The following MTCL1 variants were observed in gnomAD, a reference collection of about 807,000 sequenced individuals.
The protein encoded by MTCL1 is microtubule cross-linking factor 1.
A neutral mutation model predicts 141.4 loss-of-function variants in MTCL1; 79 were observed. The ratio of observed to expected loss-of-function variants is 0.56; its 90% CI spans 0.47 to 0.67. The LOEUF is 0.67. MTCL1 is among the 30% of genes least tolerant of loss of function. The probability of loss-of-function intolerance (pLI) is 0.00; values close to 1 mark genes in which losing one functional copy is unlikely to be tolerated. For missense variants in MTCL1, 2,177 were observed against 2,113.9 expected, an observed-to-expected ratio of 1.03 and a Z score of -0.59; for synonymous variants, 914 against 875.8, an observed-to-expected ratio of 1.04 and a Z score of -0.77.
At chr18:8,825,409 G>A (rs779817195) in exon 15 of MTCL1, 3 of 1,544,802 alleles carry the variant, frequency 1.9e-6, no homozygotes, top group Admixed American at 3.9e-5. Context: ...TCCGGCCCTG[G>A]CGAGCTGCAA....
intron 4 of MTCL1, among the ~76,000 whole-genome samples, chr18:8,722,123 C>CT (rs933165958): frequency 7.2e-5 from 10 of 139,324 alleles, no homozygotes; most frequent in Non-Finnish European, 1.5e-4. Flanking sequence ...GTTGCTGGTA[C>CT]TTTACTTCCC....
chr18:8,807,016 G>T (rs914727968), exon 11 of MTCL1: 1 of 1,613,798 alleles, frequency 6.2e-7, no homozygotes, highest in Non-Finnish European at 8.5e-7. Context: ...CGACAAGGCG[G>T]CCTGGGACGT....
intron 4 of MTCL1, among the ~76,000 whole-genome samples, chr18:8,741,403 C>T (rs1034532455): frequency 2.0e-4 from 30 of 152,178 alleles, no homozygotes; most frequent in African/African-American, 7.0e-4. Flanking sequence ...ATAGCAAGTA[C>T]CTTTTATTCT....
At chr18:8,741,206 G>A (rs1010747792) in intron 4 of MTCL1, among the ~76,000 whole-genome samples, 2 of 152,206 alleles carry the variant, frequency 1.3e-5, no homozygotes, top group African/African-American at 2.4e-5. Context: ...CATGAAGTTA[G>A]ATGTCTGGAC....
At chr18:8,821,097 T>C (rs961337014) in intron 13 of MTCL1, among the ~76,000 whole-genome samples, 1 of 152,204 alleles carries the variant, frequency 6.6e-6, no homozygotes, top group African/African-American at 2.4e-5. Context: ...TCTCTCTCTC[T>C]CTCAGTCTCA....
chr18:8,796,993 A>T (rs2075948657), intron 9 of MTCL1, among the ~76,000 whole-genome samples: 1 of 152,230 alleles, frequency 6.6e-6, no homozygotes, highest in African/African-American at 2.4e-5. Flanking sequence ...GGTCCAAGAA[A>T]TGGAAATGCA....
At chr18:8,791,539 C>T (rs1295167796) in intron 7 of MTCL1, among the ~76,000 whole-genome samples, 3 of 151,474 alleles carry the variant, frequency 2.0e-5, no homozygotes, top group Admixed American at 2.0e-4. Flanking sequence ...GGATTCAACC[C>T]TAAGACTGCA....
chr18:8,731,949 T>G (rs1456981938), intron 4 of MTCL1, among the ~76,000 whole-genome samples: 1 of 152,172 alleles, frequency 6.6e-6, no homozygotes, highest in African/African-American at 2.4e-5. Flanking sequence ...CCTCAAGTGA[T>G]CCACCTGTCT....
chr18:8,740,713 C>A (rs572118754), intron 4 of MTCL1, among the ~76,000 whole-genome samples: 1 of 152,290 alleles, frequency 6.6e-6, no homozygotes, highest in Admixed American at 6.5e-5. Context: ...TAACTCCTGA[C>A]TTAAGGTGAT....
chr18:8,786,817 T>C (rs1387825869), intron 7 of MTCL1: 2 of 169,996 alleles, frequency 1.2e-5, no homozygotes, highest in Non-Finnish European at 2.6e-5. Context: ...GAGAATGCAA[T>C]GTCTTGCCAT....
At chr18:8,735,984 T>C (rs560098674) in intron 4 of MTCL1, among the ~76,000 whole-genome samples, 8 of 152,202 alleles carry the variant, frequency 5.3e-5, no homozygotes, top group African/African-American at 9.7e-5. Context: ...GTGTGAAATG[T>C]ATAAATTTGC....
chr18:8,721,273 C>T (rs1031061292), intron 4 of MTCL1, among the ~76,000 whole-genome samples: 7 of 152,178 alleles, frequency 4.6e-5, no homozygotes, highest in South Asian at 4.1e-4. Context: ...CCTTGCTTAG[C>T]GGCTCATTTT....
chr18:8,712,739 C>T (rs998332135), upstream of MTCL1, among the ~76,000 whole-genome samples: 2 of 152,186 alleles, frequency 1.3e-5, no homozygotes, highest in Non-Finnish European at 2.9e-5. Context: ...TCCTTAGTTA[C>T]AGCTGGGACT....
chr18:8,726,512 AGCGAGCGAGAGAGAGCGAGTGCGCATGC>A (rs2096214749), intron 4 of MTCL1, among the ~76,000 whole-genome samples: 2 of 136,106 alleles, frequency 1.5e-5, no homozygotes, highest in African/African-American at 6.2e-5. Flanking sequence ...CGCGCGCAAG[AGCGAGCGAGAGAGAGCGAGTGCGCATGC>A]GCGCGCGCAA....
chr18:8,777,979 C>A, intron 5 of MTCL1, 87 bp downstream of exon 4: 1 of 1,247,860 alleles, frequency 8.0e-7, no homozygotes, highest in Non-Finnish European at 1.1e-6. Context: ...GTTAGCTTTG[C>A]CTTTAAAACA....
intron 8 of MTCL1, among the ~76,000 whole-genome samples, chr18:8,794,332 T>G (rs2075839485): frequency 6.6e-6 from 1 of 152,146 alleles, no homozygotes; most frequent in Non-Finnish European, 1.5e-5. Context: ...CCTCCAGGCT[T>G]GTTCAGAAGG....
chr18:8,815,403 A>G (rs1289491393), intron 12 of MTCL1, among the ~76,000 whole-genome samples: 3 of 152,038 alleles, frequency 2.0e-5, no homozygotes, highest in African/African-American at 7.3e-5. Flanking sequence ...TCTCACTCAT[A>G]GGTGGGAATT....
chr18:8,830,800 T>C lies in MTCL1; in HGVS notation c.*19-807T>C. 1.0e-6 allele frequency: 1 copy of C among 985,394 alleles called. No homozygotes were observed. Among genetic ancestry groups the C allele is most frequent in the Non-Finnish European group, 1.2e-6 (1 of 829,922 alleles). 61.0% of individuals were successfully genotyped at this position (985,394 alleles called of 1,614,324 possible). A position where few individuals can be genotyped will look rare whatever the true frequency, so the allele number is the denominator to read the frequency against. ...CAAATTCCAAATTTGGGTGTCCTGG[T>C]TTTGTAACATGTAAGGACAAGGAGC... On this transcript the variant is annotated intron_variant, in intron 16 of 16. Transcript: ENST00000359865. This position sits in a 1 kb window ranked among gnomAD's most constrained non-coding sequence, Gnocchi z 6.4.
chr18:8,791,170 GGAAA>G (rs1177038406), intron 7 of MTCL1, among the ~76,000 whole-genome samples: 2 of 152,136 alleles, frequency 1.3e-5, no homozygotes, highest in Non-Finnish European at 2.9e-5. Flanking sequence ...AACATTGCAG[GGAAA>G]GAAAGGAAAT....
Sources: allele counts gnomAD v4.1 joint callset (sites outside exome capture counted in the v4.1 genomes callset), GRCh38; gene constraint gnomAD v4.1.1; non-coding constraint Gnocchi (gnomAD v3.1); transcripts MANE v1.5; gene names NCBI Gene and HGNC (gene_info 2026-07-23, HGNC 2026-07-21).